MSRA: variants seen among roughly 807,000 people sequenced by gnomAD.
MSRA encodes the protein mitochondrial peptide methionine sulfoxide reductase.
MSRA carries 54 observed loss-of-function variants against 31.3 expected under a neutral mutation model. That is an observed-to-expected ratio of 1.73 (90% CI 1.39 to 2.17). The LOEUF (loss-of-function observed/expected upper bound fraction) is 2.17, where lower values mean the gene tolerates loss of function less well. Among genes scored for constraint, MSRA ranks in the 30% most tolerant of loss-of-function variants. MSRA has a pLI of 0.00. For synonymous variants in MSRA, 169 were observed against 116.5 expected (o/e 1.45, Z -2.90); for missense variants, 507 against 300.9 (o/e 1.69, Z -5.07).
intron 2 of MSRA, among the ~76,000 whole-genome samples, chr8:10,240,406 T>C (rs945668897): frequency 2.0e-5 from 3 of 152,184 alleles, no homozygotes; most frequent in African/African-American, 7.2e-5. Context: ...ATTACGCAGG[T>C]ACTAGGGTAG....
chr8:10,154,821 A>G (rs1461962202), intron 1 of MSRA, among the ~76,000 whole-genome samples: 1 of 152,036 alleles, frequency 6.6e-6, no homozygotes, highest in Non-Finnish European at 1.5e-5. Flanking sequence ...ATTGAAAAAG[A>G]TTTTAATTTT....
chr8:10,298,527 A>G (rs1405739849), intron 3 of MSRA, among the ~76,000 whole-genome samples: 13 of 152,146 alleles, frequency 8.5e-5, no homozygotes, highest in Non-Finnish European at 1.8e-4. Context: ...GCGAGATGAA[A>G]AGAGTTCTGG....
intron 5 of MSRA, among the ~76,000 whole-genome samples, chr8:10,407,551 A>T (rs903014958): frequency 2.6e-5 from 4 of 152,224 alleles, no homozygotes; most frequent in African/African-American, 9.6e-5. Flanking sequence ...GAGAGGTAGC[A>T]AATGATGCCG....
intron 3 of MSRA, among the ~76,000 whole-genome samples, chr8:10,296,319 G>A (rs1800539329): frequency 6.6e-6 from 1 of 152,218 alleles, no homozygotes; most frequent in African/African-American, 2.4e-5. Context: ...AATGGGGGCG[G>A]CATCCTTGTA....
At chr8:10,146,600 A>G (rs912644504) in intron 1 of MSRA, among the ~76,000 whole-genome samples, 3 of 152,148 alleles carry the variant, frequency 2.0e-5, no homozygotes, top group African/African-American at 7.2e-5. Flanking sequence ...CTGAAATGGA[A>G]TGTGGCGGCG....
intron 2 of MSRA, among the ~76,000 whole-genome samples, chr8:10,243,597 T>C (rs368512051): frequency 1.1e-3 from 163 of 152,254 alleles, no homozygotes; most frequent in Middle Eastern, 0.01. Context: ...TCTTTAAAAA[T>C]GTAAATTTTT....
chr8:10,250,350 A>G (rs1386318151), intron 3 of MSRA: 9 of 694,320 alleles, frequency 1.3e-5, no homozygotes, highest in Non-Finnish European at 2.1e-5. Flanking sequence ...CTAATATACA[A>G]ATACCCCATT....
At chr8:10,064,721 T>C (rs1719139610) in intron 1 of MSRA, among the ~76,000 whole-genome samples, 1 of 152,192 alleles carries the variant, frequency 6.6e-6, no homozygotes, top group South Asian at 2.1e-4. Context: ...TTTAAAAAAA[T>C]TAGTTTACCA....
chr8:10,378,071 A>G (rs1805852356), intron 5 of MSRA, among the ~76,000 whole-genome samples: 1 of 152,222 alleles, frequency 6.6e-6, no homozygotes, highest in African/African-American at 2.4e-5. Context: ...CAGTGGCTCG[A>G]CATTGGCAGA....
At chr8:10,318,043 G>C in intron 4 of MSRA, among the ~76,000 whole-genome samples, 1 of 152,150 alleles carries the variant, frequency 6.6e-6, no homozygotes, top group Non-Finnish European at 1.5e-5. Flanking sequence ...TCTTATTTCT[G>C]GGCCTTGGGC....
intron 5 of MSRA, among the ~76,000 whole-genome samples, chr8:10,417,505 C>A (rs189035745): frequency 6.6e-6 from 1 of 151,944 alleles, no homozygotes; most frequent in East Asian, 1.9e-4. Context: ...TCAGCCGTCC[C>A]CCTTCCTTGT....
At chr8:10,179,334 C>A (rs555291929) in intron 1 of MSRA, among the ~76,000 whole-genome samples, 2 of 152,164 alleles carry the variant, frequency 1.3e-5, no homozygotes, top group East Asian at 1.9e-4. Flanking sequence ...TCTTTCTAAT[C>A]GTGGGACTTT....
At chr8:10,386,314 A>T (rs928926338) in intron 5 of MSRA, among the ~76,000 whole-genome samples, 2 of 152,154 alleles carry the variant, frequency 1.3e-5, no homozygotes, top group African/African-American at 4.8e-5. Flanking sequence ...TTAGTTTCAC[A>T]CCAGATAATT....
intron 3 of MSRA, among the ~76,000 whole-genome samples, chr8:10,269,388 T>C (rs1798911784): frequency 6.6e-6 from 1 of 152,238 alleles, no homozygotes. Context: ...TGTCATGATA[T>C]ATAGGCCTAC....
intron 5 of MSRA, among the ~76,000 whole-genome samples, chr8:10,345,497 C>T (rs567702967): frequency 1.3e-5 from 2 of 152,182 alleles, no homozygotes; most frequent in African/African-American, 4.8e-5. Context: ...CACACACATA[C>T]ACAGACACAC....
chr8:10,310,854 A>G (rs912332185), intron 4 of MSRA, among the ~76,000 whole-genome samples: 2 of 152,246 alleles, frequency 1.3e-5, no homozygotes, highest in Admixed American at 6.5e-5. Flanking sequence ...ACAGCAGCAC[A>G]TTATCCGATG....
At chr8:10,395,572 G>A (rs1162853959) in intron 5 of MSRA, among the ~76,000 whole-genome samples, 5 of 152,214 alleles carry the variant, frequency 3.3e-5, no homozygotes, top group African/African-American at 7.2e-5. Context: ...TGTTCGAGGA[G>A]TTTGAAGGCT....
intron 5 of MSRA, among the ~76,000 whole-genome samples, chr8:10,416,268 GATTC>G (rs1808453335): frequency 6.6e-6 from 1 of 152,198 alleles, no homozygotes; most frequent in Admixed American, 6.5e-5. Context: ...CAATTGTCGA[GATTC>G]ATTCATGAAG....
intron 2 of MSRA, among the ~76,000 whole-genome samples, chr8:10,241,151 G>C (rs1315009404): frequency 6.6e-6 from 1 of 152,130 alleles, no homozygotes; most frequent in East Asian, 1.9e-4. Context: ...GGCTGCCATG[G>C]TGTGCACTGT....
Sources: allele counts gnomAD v4.1 joint callset (sites outside exome capture counted in the v4.1 genomes callset), GRCh38; gene constraint gnomAD v4.1.1; transcripts MANE v1.5; gene names NCBI Gene and HGNC (gene_info 2026-07-23, HGNC 2026-07-21).